Variants in ROR2 observed in about 807,000 individuals in gnomAD.
The protein encoded by ROR2 is ROR family WNT receptor 2, also known as tyrosine-protein kinase transmembrane receptor ROR2.
ROR2 carries 33 observed loss-of-function variants against 74.9 expected under a neutral mutation model. That is an observed-to-expected ratio of 0.44 (90% CI 0.33 to 0.59). The LOEUF (loss-of-function observed/expected upper bound fraction) is 0.59. Ranked by LOEUF, ROR2 falls within the 20% of genes least tolerant of loss-of-function variation. The pLI, the probability that ROR2 is intolerant of heterozygous loss-of-function variation, is 0.02. For missense variants in ROR2, 1,216 were observed against 1,313.8 expected (o/e 0.93, Z 1.15); for synonymous variants, 586 against 558.7 (o/e 1.05, Z -0.69).
At chr9:91,944,070 A>C (rs997200149) in intron 1 of ROR2, among the ~76,000 whole-genome samples, 5 of 152,342 alleles carry the variant, frequency 3.3e-5, no homozygotes, top group African/African-American at 1.2e-4. Flanking sequence ...ATTCTGGGAA[A>C]TGTGTCCCTG....
chr9:91,726,202 G>A (rs1837023882), intron 8 of ROR2, among the ~76,000 whole-genome samples: 1 of 152,130 alleles, frequency 6.6e-6, no homozygotes, highest in African/African-American at 2.4e-5. Flanking sequence ...AAATTATGGG[G>A]AGCATTGGAG....
At chr9:91,803,664 G>A (rs1157762846) in intron 1 of ROR2, among the ~76,000 whole-genome samples, 3 of 152,254 alleles carry the variant, frequency 2.0e-5, no homozygotes, top group Non-Finnish European at 4.4e-5. Flanking sequence ...AGCCAGGCAT[G>A]GACATACACG....
At chr9:91,922,425 T>C (rs1435163944) in intron 1 of ROR2, among the ~76,000 whole-genome samples, 3 of 152,164 alleles carry the variant, frequency 2.0e-5, no homozygotes, top group Non-Finnish European at 4.4e-5. Context: ...TTGATGTCCA[T>C]ACTGAATGTT....
intron 1 of ROR2, among the ~76,000 whole-genome samples, chr9:91,917,518 A>G (rs1219273442): frequency 2.0e-5 from 3 of 152,188 alleles, no homozygotes; most frequent in Admixed American, 1.3e-4. Flanking sequence ...AATCTTTAAG[A>G]GCATCATCTG....
chr9:91,760,350 TG>T (rs1564257430), intron 2 of ROR2, among the ~76,000 whole-genome samples: 1 of 152,210 alleles, frequency 6.6e-6, no homozygotes, highest in East Asian at 1.9e-4. Flanking sequence ...AAAACAACTG[TG>T]GGCTAGGTGC....
intron 1 of ROR2, among the ~76,000 whole-genome samples, chr9:91,796,547 T>C (rs1470722469): frequency 2.6e-5 from 4 of 151,712 alleles, no homozygotes; most frequent in Admixed American, 6.6e-5. Flanking sequence ...TCTTCTGGAG[T>C]AGTTGTGATA....
rs748495379 is a variant in ROR2, at chr9:91,724,491, T to G, written c.2003A>C (p.Lys668Thr). The change falls in exon 9 of 9, where the codon AAG becomes ACG. Residue 668 changes from lysine (K) to threonine (T), a missense_variant. Coordinates refer to ENST00000375708, the MANE Select transcript of ROR2 (RefSeq NM_004560.4). ...WMAPEAIMYG[K>T]FSIDSDIWSY... Reference sequence around the variant, plus strand: ...CCAGATGTCTGAGTCGATGGAGAACTTGCCGTACATGATGGCCTCTGGGGC... The same window carrying G: ...CCAGATGTCTGAGTCGATGGAGAACGTGCCGTACATGATGGCCTCTGGGGC... 1 of 1,614,214 alleles carries G rather than the reference T, an allele frequency of 6.2e-7. No homozygotes were observed. Among genetic ancestry groups the G allele is most frequent in the South Asian group, 1.1e-5 (1 of 91,086 alleles).
chr9:91,937,204 G>A (rs999754773), intron 1 of ROR2, among the ~76,000 whole-genome samples: 9 of 152,106 alleles, frequency 5.9e-5, no homozygotes, highest in African/African-American at 9.7e-5. Flanking sequence ...GCTAAAACAA[G>A]CTGACCCAGA....
At chr9:91,940,900 G>A (rs541311729) in intron 1 of ROR2, among the ~76,000 whole-genome samples, 2 of 150,282 alleles carry the variant, frequency 1.3e-5, no homozygotes, top group South Asian at 2.1e-4. Context: ...CCACCTCGCC[G>A]GGCCTTGAGT....
intron 1 of ROR2, among the ~76,000 whole-genome samples, chr9:91,812,279 T>C (rs1334901557): frequency 6.6e-6 from 1 of 152,010 alleles, no homozygotes; most frequent in Non-Finnish European, 1.5e-5. Context: ...CTCTTGGAAG[T>C]AGAGATGCAG....
intron 1 of ROR2, among the ~76,000 whole-genome samples, chr9:91,864,128 C>T (rs1829557033): frequency 6.6e-6 from 1 of 152,180 alleles, no homozygotes; most frequent in Non-Finnish European, 1.5e-5. Context: ...CCATCCTTAA[C>T]CTCATGTGCA....
chr9:91,772,278 T>G (rs1296745883), intron 2 of ROR2, among the ~76,000 whole-genome samples: 2 of 152,158 alleles, frequency 1.3e-5, no homozygotes, highest in Non-Finnish European at 2.9e-5. Context: ...CCGCTAAGAG[T>G]GCTGATGATC....
chr9:91,730,282 CCCAGGACCAT>C (rs1349073738), intron 7 of ROR2, among the ~76,000 whole-genome samples: 1 of 152,048 alleles, frequency 6.6e-6, no homozygotes, highest in Non-Finnish European at 1.5e-5. Flanking sequence ...AAGTGAATAT[CCCAGGACCAT>C]CCATACATGG....
At chr9:91,949,771 G>T in intron 1 of ROR2, 96 bp downstream of exon 1, 2 of 811,144 alleles carry the variant, frequency 2.5e-6, no homozygotes, top group Non-Finnish European at 2.1e-6. Context: ...GAGCATGGGC[G>T]CCGGCGCAGC....
intron 1 of ROR2, among the ~76,000 whole-genome samples, chr9:91,880,699 G>C (rs1333647464): frequency 6.6e-6 from 1 of 152,172 alleles, no homozygotes; most frequent in Non-Finnish European, 1.5e-5. Flanking sequence ...TTCTGCAATG[G>C]GCCTGCCCAT....
At chr9:91,909,513 ATTT>A (rs36122642) in intron 1 of ROR2, among the ~76,000 whole-genome samples, 3,165 of 136,270 alleles carry the variant, frequency 0.023, 127 homozygotes, top group African/African-American at 0.081. Flanking sequence ...CATCCAACTA[ATTT>A]TTTTTTTTTT....
intron 1 of ROR2, among the ~76,000 whole-genome samples, chr9:91,878,266 C>T (rs890685136): frequency 6.6e-6 from 1 of 152,168 alleles, no homozygotes; most frequent in South Asian, 2.1e-4. Context: ...ATCAAAATTG[C>T]GCCCTCCCTT....
intron 1 of ROR2, among the ~76,000 whole-genome samples, chr9:91,869,429 G>C (rs1189903919): frequency 6.6e-6 from 1 of 152,166 alleles, no homozygotes; most frequent in Non-Finnish European, 1.5e-5. Context: ...CCCTTGAACA[G>C]GTGAATGGAT....
chr9:91,916,519 T>C (rs1280016187), intron 1 of ROR2, among the ~76,000 whole-genome samples: 2 of 152,168 alleles, frequency 1.3e-5, no homozygotes, highest in Non-Finnish European at 2.9e-5. Context: ...ACCTGGCAAC[T>C]TCCCCTGGAC....
Sources: allele counts gnomAD v4.1 joint callset (sites outside exome capture counted in the v4.1 genomes callset), GRCh38; gene constraint gnomAD v4.1.1; transcripts MANE v1.5; gene names NCBI Gene and HGNC (gene_info 2026-07-23, HGNC 2026-07-21).